RRAS2: variants seen among roughly 807,000 people sequenced by gnomAD.
RRAS2 encodes the protein ras-related protein R-Ras2.
A neutral mutation model predicts 27.6 loss-of-function variants in RRAS2; 7 were observed. The observed-to-expected ratio is 0.25, with a 90% CI of 0.14 to 0.48. RRAS2 has a LOEUF of 0.48. Ranked by LOEUF, RRAS2 falls within the 20% of genes least tolerant of loss-of-function variation. RRAS2 has a pLI of 0.99. For synonymous variants in RRAS2, 86 were observed against 90.9 expected (o/e 0.95, Z 0.31); for missense variants, 178 against 256.2 (o/e 0.69, Z 2.08).
intron 1 of RRAS2, among the ~76,000 whole-genome samples, chr11:14,321,835 T>TA (rs1177969229): frequency 6.6e-6 from 1 of 152,188 alleles, no homozygotes; most frequent in Non-Finnish European, 1.5e-5. Flanking sequence ...ATAATGCATT[T>TA]AAAAGGTATA....
At chr11:14,280,283 T>C (rs1344042812) in intron 5 of RRAS2, among the ~76,000 whole-genome samples, 1 of 149,658 alleles carries the variant, frequency 6.7e-6, no homozygotes, top group East Asian at 1.9e-4. Flanking sequence ...CTCTTACCAT[T>C]AAAAAAAAAT....
At chr11:14,291,196 A>T (rs1276572080) in intron 4 of RRAS2, among the ~76,000 whole-genome samples, 1 of 152,238 alleles carries the variant, frequency 6.6e-6, no homozygotes, top group Non-Finnish European at 1.5e-5. Flanking sequence ...GTGAGGAAAG[A>T]GAAGAAAGTG....
chr11:14,327,811 A>G (rs1554951233), intron 1 of RRAS2, among the ~76,000 whole-genome samples: 1 of 23,714 alleles, frequency 4.2e-5, no homozygotes, highest in Admixed American at 6.4e-4. Context: ...ACAACTCAAT[A>G]GAGAAAAAAA....
At chr11:14,279,776 G>A (rs1409818435) in intron 5 of RRAS2, among the ~76,000 whole-genome samples, 4 of 152,190 alleles carry the variant, frequency 2.6e-5, no homozygotes, top group Admixed American at 1.3e-4. Flanking sequence ...TATGAGGTAT[G>A]CAGGTCTTAT....
intron 1 of RRAS2, among the ~76,000 whole-genome samples, chr11:14,357,961 T>A (rs1554955686): frequency 6.6e-6 from 1 of 152,100 alleles, no homozygotes; most frequent in African/African-American, 2.4e-5. Context: ...AACCCCTGAC[T>A]TACCGTCTCT....
chr11:14,358,995 C>G lies in RRAS2; in HGVS notation c.-125G>C, dbSNP rs572281354. ...GCGGCCGGGCTGGGGTCCCGGGTAC[C>G]GGGAGGCGTCTGGAGGGCCGGTCAG... On this transcript the variant is annotated 5_prime_UTR_variant, in exon 1 of 6. Coordinates refer to ENST00000256196, the MANE Select transcript of RRAS2 (RefSeq NM_012250.6). The surrounding 1 kb of genome is among the most constrained non-coding windows in gnomAD (Gnocchi z 5.1). The G allele has an allele frequency of 4.4e-6, 5 of 1,136,532 alleles. No homozygotes were observed. The highest frequency in any genetic ancestry group is 7.5e-4 in the Middle Eastern group (2 of 2,660). The allele number at this position is 1,136,532 out of a possible 1,614,324, so 70.4% of individuals were successfully genotyped here. A position where few individuals can be genotyped will look rare whatever the true frequency, so the allele number is the denominator to read the frequency against.
chr11:14,339,825 G>A (rs1174171464), intron 1 of RRAS2, among the ~76,000 whole-genome samples: 3 of 151,982 alleles, frequency 2.0e-5, no homozygotes, highest in African/African-American at 7.3e-5. Context: ...TTTAAAAATA[G>A]TATTCTGGCT....
At chr11:14,328,608 A>C (rs1239079167) in intron 1 of RRAS2, among the ~76,000 whole-genome samples, 2 of 152,186 alleles carry the variant, frequency 1.3e-5, no homozygotes, top group African/African-American at 2.4e-5. Flanking sequence ...AGTAGTAAAA[A>C]ATATATACAT....
chr11:14,279,992 C>A (rs1348934056), intron 5 of RRAS2, among the ~76,000 whole-genome samples: 1 of 152,108 alleles, frequency 6.6e-6, no homozygotes, highest in Non-Finnish European at 1.5e-5. Context: ...TCCCCTCATT[C>A]CTGAATTACT....
rs1849150853 is a variant in RRAS2, at chr11:14,359,111, G to A, written c.-241C>T. The stretch of plus-strand genomic sequence containing the variant: ...ACGGGCCAGGGGCGGCAGCGGCCGG[G>A]GGGCGCGCTCCTCTACGCGTCTCCG... On this transcript the variant is annotated 5_prime_UTR_variant, in exon 1 of 6. Coordinates refer to ENST00000256196, the MANE Select transcript of RRAS2 (RefSeq NM_012250.6). 3 of 1,056,766 alleles carry A rather than the reference G, an allele frequency of 2.8e-6. No homozygotes were observed. The highest frequency in any genetic ancestry group is 3.4e-6 in the Non-Finnish European group (3 of 877,130). 65.5% of individuals were successfully genotyped at this position (1,056,766 alleles called of 1,614,324 possible).
chr11:14,309,738 T>G (rs1554948588), intron 1 of RRAS2, among the ~76,000 whole-genome samples: 2 of 152,124 alleles, frequency 1.3e-5, no homozygotes, highest in South Asian at 2.1e-4. Flanking sequence ...AGACAGCCAG[T>G]GTAGCTACAA....
chr11:14,285,849 C>T (rs12284360), intron 4 of RRAS2, among the ~76,000 whole-genome samples: 5 of 152,144 alleles, frequency 3.3e-5, no homozygotes, highest in Admixed American at 6.5e-5. Context: ...CTTTTCCCCC[C>T]GTCTGGCTAT....
chr11:14,306,612 T>A (rs978697384), intron 1 of RRAS2, among the ~76,000 whole-genome samples: 1 of 152,126 alleles, frequency 6.6e-6, no homozygotes, highest in African/African-American at 2.4e-5. Flanking sequence ...ATACCCAGGA[T>A]TTTGGGCAAT....
upstream of RRAS2, among the ~76,000 whole-genome samples, chr11:14,359,449 T>C (rs1849159143): frequency 6.6e-6 from 1 of 152,172 alleles, no homozygotes; most frequent in Non-Finnish European, 1.5e-5. Flanking sequence ...TGTGACGGCG[T>C]GTGCGAAAAA....
chr11:14,295,948 G>C, intron 1 of RRAS2, 93 bp from the exon 2 acceptor site: 268 of 1,030,884 alleles, frequency 2.6e-4, no homozygotes, highest in Non-Finnish European at 3.5e-4. Flanking sequence ...CGAGGGAGAA[G>C]GATCACTTGA....
At chr11:14,328,366 C>CAAAAAAA (rs71041596) in intron 1 of RRAS2, among the ~76,000 whole-genome samples, 11 of 67,678 alleles carry the variant, frequency 1.6e-4, no homozygotes, top group Non-Finnish European at 2.6e-4. Context: ...AACTCCAACT[C>CAAAAAAA]AAAAAAAAAA....
chr11:14,300,462 G>A (rs1847669235), intron 1 of RRAS2, among the ~76,000 whole-genome samples: 1 of 152,102 alleles, frequency 6.6e-6, no homozygotes, highest in Non-Finnish European at 1.5e-5. Flanking sequence ...AGCTACTCAG[G>A]AGGCTGAGGC....
chr11:14,353,654 G>A (rs1849012908), intron 1 of RRAS2, among the ~76,000 whole-genome samples: 1 of 150,592 alleles, frequency 6.6e-6, no homozygotes, highest in South Asian at 2.1e-4. Context: ...CAAAACAGGG[G>A]TACGCATGCA....
At chr11:14,294,287 CCTTTTT>C (rs1189208570) in intron 4 of RRAS2, among the ~76,000 whole-genome samples, 178 bp downstream of exon 4, 2 of 152,108 alleles carry the variant, frequency 1.3e-5, no homozygotes, top group Non-Finnish European at 2.9e-5. Context: ...AAATCTACTT[CCTTTTT>C]ATTTTTCACC....
Sources: allele counts gnomAD v4.1 joint callset (sites outside exome capture counted in the v4.1 genomes callset), GRCh38; gene constraint gnomAD v4.1.1; non-coding constraint Gnocchi (gnomAD v3.1); transcripts MANE v1.5; gene names NCBI Gene and HGNC (gene_info 2026-07-23, HGNC 2026-07-21).